Variants in PHTF1 observed in about 807,000 individuals in gnomAD.
The protein encoded by PHTF1 is protein PHTF1.
PHTF1 carries 88 observed loss-of-function variants against 102.4 expected under a neutral mutation model. The observed-to-expected ratio is 0.86, with a 90% CI of 0.72 to 1.03. The LOEUF is 1.03. PHTF1 is among the 50% of genes least tolerant of loss of function. PHTF1 has a pLI of 0.00. For missense variants in PHTF1, 814 were observed against 909.5 expected, an observed-to-expected ratio of 0.89 and a Z score of 1.35; for synonymous variants, 289 against 305.2, an observed-to-expected ratio of 0.95 and a Z score of 0.55.
intron 7 of PHTF1, among the ~76,000 whole-genome samples, chr1:113,717,201 C>T (rs1652197570): frequency 2.0e-5 from 3 of 150,616 alleles, no homozygotes; most frequent in Non-Finnish European, 3.0e-5. Flanking sequence ...AATGTAACCC[C>T]CAAATTAAAA....
At chr1:113,701,375 C>A (rs553052653) in intron 15 of PHTF1, among the ~76,000 whole-genome samples, 3 of 152,210 alleles carry the variant, frequency 2.0e-5, no homozygotes, top group East Asian at 3.9e-4. Context: ...GTTTTAGGCT[C>A]CAAATAACAA....
chr1:113,728,115 C>T (rs1172874522), intron 5 of PHTF1, among the ~76,000 whole-genome samples: 1 of 151,982 alleles, frequency 6.6e-6, no homozygotes, highest in East Asian at 1.9e-4. Context: ...AGGGCCGGGC[C>T]GAGGGAAGCT....
At chr1:113,726,275 T>C (rs1288427020) in intron 6 of PHTF1, 143 bp downstream of exon 6, 1 of 643,772 alleles carries the variant, frequency 1.6e-6, no homozygotes, top group Non-Finnish European at 2.6e-6. Flanking sequence ...AGGAGAAAAG[T>C]GCAAAGTAAT....
chr1:113,756,189 A>G (rs1466761353), intron 3 of PHTF1, among the ~76,000 whole-genome samples: 1 of 152,182 alleles, frequency 6.6e-6, no homozygotes, highest in African/African-American at 2.4e-5. Flanking sequence ...CCATTACACC[A>G]TACTTACTAT....
intron 15 of PHTF1, among the ~76,000 whole-genome samples, chr1:113,701,826 TAAAAAA>T (rs34844793): frequency 4.4e-3 from 123 of 27,984 alleles, no homozygotes; most frequent in African/African-American, 5.2e-3. Flanking sequence ...CAATTCCTGG[TAAAAAA>T]AAAAAAAAAA....
intron 5 of PHTF1, among the ~76,000 whole-genome samples, chr1:113,734,374 A>C (rs539227506): frequency 3.2e-4 from 48 of 152,360 alleles, no homozygotes; most frequent in African/African-American, 1.1e-3. Flanking sequence ...CTATTGGTAA[A>C]ATATGAGGTA....
chr1:113,738,904 T>C, intron 3 of PHTF1, 105 bp from the exon 4 acceptor site: 1 of 695,316 alleles, frequency 1.4e-6, no homozygotes, highest in South Asian at 2.0e-5. Context: ...CAGGCTGGAG[T>C]GCAATGGCGT....
chr1:113,746,335 T>C (rs1216051422), intron 3 of PHTF1, among the ~76,000 whole-genome samples: 6 of 152,054 alleles, frequency 3.9e-5, no homozygotes. Context: ...ATAGGAAAGG[T>C]AAGAAAATGA....
At chr1:113,713,947 A>G (rs1272497275) in intron 7 of PHTF1, 1 of 153,708 alleles carries the variant, frequency 6.5e-6, no homozygotes, top group Non-Finnish European at 1.4e-5. Context: ...CAGCCAGAGT[A>G]GAACAAGGGA....
At chr1:113,721,878 T>A (rs1409018631) in intron 7 of PHTF1, among the ~76,000 whole-genome samples, 1 of 151,506 alleles carries the variant, frequency 6.6e-6, no homozygotes, top group Non-Finnish European at 1.5e-5. Context: ...GTATTTTTAG[T>A]AGAGACAGGG....
In PHTF1 at chr1:113,713,320, T is replaced by C. The variant is rs1330396388; in HGVS notation, c.742A>G (p.Arg248Gly). ...CRPEIRMWQT[R>G]EKAKFSDGEK... is the part of the protein sequence containing the mutation. ...CCATCTGAAAATTTTGCTTTCTCTC[T>C]TGTTTGCCACATTCTAATCTCTGGT... The change falls in exon 8 of 19, where the codon AGA becomes GGA. Residue 248 changes from arginine to glycine, a missense_variant. By Grantham distance (125) the Arg-to-Gly change is moderately radical (BLOSUM62 -2). Transcript: ENST00000369604. 6.2e-7 allele frequency: 1 copy of C among 1,613,636 alleles called. No homozygotes were observed. Among genetic ancestry groups the C allele is most frequent in the African/African-American group, 1.3e-5 (1 of 74,932 alleles).
chr1:113,708,295 C>A (rs1323447768), intron 11 of PHTF1, among the ~76,000 whole-genome samples: 1 of 152,138 alleles, frequency 6.6e-6, no homozygotes, highest in East Asian at 1.9e-4. Flanking sequence ...GGTATTTAGA[C>A]AGCTGAATCA....
rs1168811123 is a variant in PHTF1 at position 113,724,861 on chromosome 1, C to T, written c.521G>A (p.Ser174Asn). ...KLRKTVNGDG[S>N]RENGNNSSDK... ...AGAGGAGTTATTTCCATTTTCTCGG[C>T]TCCCATCACCATTTACAGTTTTTCG... Residue 174 changes from serine to asparagine, a missense_variant, in exon 7 of 19, where the codon AGC (serine) becomes AAC (asparagine). Ser to Asn is a conservative substitution (Grantham distance 46). Transcript: ENST00000369604. 1.2e-6 allele frequency: 2 copies of T among 1,606,650 alleles called. No homozygotes were observed.
At chr1:113,700,740 A>G (rs1649344037) in intron 16 of PHTF1, 54 bp downstream of exon 16, 2 of 1,513,820 alleles carry the variant, frequency 1.3e-6, no homozygotes, top group Non-Finnish European at 1.8e-6. Flanking sequence ...GGAACCTTAC[A>G]GCGTATTACG....
intron 3 of PHTF1, among the ~76,000 whole-genome samples, chr1:113,739,607 G>A (rs1377694368): frequency 2.0e-5 from 3 of 152,078 alleles, no homozygotes; most frequent in Non-Finnish European, 4.4e-5. Context: ...ACCCTGCTAG[G>A]TATCTGAAAA....
chr1:113,756,239 G>C (rs983238323), intron 3 of PHTF1, among the ~76,000 whole-genome samples: 1 of 152,058 alleles, frequency 6.6e-6, no homozygotes, highest in East Asian at 1.9e-4. Context: ...AACAGGACAG[G>C]CTTTAGAGAA....
At chr1:113,735,280 C>T (rs1176359418) in intron 5 of PHTF1, among the ~76,000 whole-genome samples, 3 of 136,116 alleles carry the variant, frequency 2.2e-5, no homozygotes, top group Non-Finnish European at 4.6e-5. Context: ...GCAAGAGAAT[C>T]ACTTGAACCT....
chr1:113,757,546 A>C (rs1399214181), intron 3 of PHTF1, among the ~76,000 whole-genome samples, 153 bp downstream of exon 3: 1 of 152,218 alleles, frequency 6.6e-6, no homozygotes, highest in Non-Finnish European at 1.5e-5. Context: ...ATCAAGTGTC[A>C]CTTCTCATTA....
At chr1:113,706,290 AT>A in intron 12 of PHTF1, 128 bp from the exon 13 acceptor site, 1 of 849,778 alleles carries the variant, frequency 1.2e-6, no homozygotes, top group Non-Finnish European at 1.8e-6. Flanking sequence ...TGACATACAG[AT>A]TTATGACTTT....
Sources: allele counts gnomAD v4.1 joint callset (sites outside exome capture counted in the v4.1 genomes callset), GRCh38; gene constraint gnomAD v4.1.1; transcripts MANE v1.5; gene names NCBI Gene and HGNC (gene_info 2026-07-23, HGNC 2026-07-21).